RYR2: variants seen among roughly 807,000 people sequenced by gnomAD.
The protein encoded by RYR2 is ryanodine receptor 2.
Under a neutral mutation model 601.1 loss-of-function variants are expected in RYR2, and 227 were observed. That is an observed-to-expected ratio of 0.38 (90% CI 0.34 to 0.42). The LOEUF is 0.42. RYR2 is among the 10% of genes least tolerant of loss of function. The pLI, the probability that RYR2 is intolerant of heterozygous loss-of-function variation, is 1.00. For missense variants in RYR2, 4,646 were observed against 6,156.5 expected (o/e 0.75, Z 8.21); for synonymous variants, 2,223 against 2,175.1 (o/e 1.02, Z -0.61).
intron 92 of RYR2, 125 bp from the exon 93 acceptor site, chr1:237,791,304 G>C: frequency 1.6e-6 from 1 of 639,532 alleles, no homozygotes; most frequent in Admixed American, 2.4e-5. Context: ...CACCAAGAAT[G>C]GTGCTTGAAA....
chr1:237,778,811 CTG>C, intron 88 of RYR2, 41 bp downstream of exon 88: 1 of 966,046 alleles, frequency 1.0e-6, no homozygotes, highest in Non-Finnish European at 1.7e-6. Context: ...AAATGACAAA[CTG>C]GAGACTGTAA....
At chr1:237,403,818 A>C (rs997001408) in intron 10 of RYR2, among the ~76,000 whole-genome samples, 2 of 152,244 alleles carry the variant, frequency 1.3e-5, no homozygotes, top group Admixed American at 1.3e-4. Flanking sequence ...GTAGAAGAAA[A>C]CTATCTCATA....
chr1:237,337,366 C>G (rs924595439), intron 3 of RYR2, among the ~76,000 whole-genome samples: 3 of 151,744 alleles, frequency 2.0e-5, no homozygotes, highest in Non-Finnish European at 2.9e-5. Context: ...TTTAAAAGTA[C>G]ATTTATCAAA....
At chr1:237,150,563 A>G (rs1384143823) in intron 1 of RYR2, among the ~76,000 whole-genome samples, 1 of 152,188 alleles carries the variant, frequency 6.6e-6, no homozygotes, top group African/African-American at 2.4e-5. Context: ...AACAATGACA[A>G]CAACAACAAC....
Position 237,045,764 on chromosome 1 carries a change from G to C in RYR2, c.48+3195G>C, listed in dbSNP as rs115734908. Among the ~76,000 whole-genome samples the C allele has an allele frequency of 4.3e-3, 551 of 127,788 alleles. 6 individuals carry two copies. Among genetic ancestry groups the C allele is most frequent in the African/African-American group, 0.015 (522 of 35,130 alleles). 83.8% of individuals were successfully genotyped at this position (127,788 alleles called of 152,430 possible). On this transcript the variant is annotated intron_variant, in intron 1 of 104. Transcript: ENST00000366574. ...GCATTTAAAAACACGCATCTTTTTCGTTATGGTCCTCTTTTTTTTTTTTTT... is the reference window on the plus strand; with the variant it reads ...GCATTTAAAAACACGCATCTTTTTCCTTATGGTCCTCTTTTTTTTTTTTTT...
Position 237,669,654 on chromosome 1 carries a change from C to T in RYR2, c.8590+1696C>T, listed in dbSNP as rs566873276. Among the ~76,000 whole-genome samples, 522 of 148,778 alleles carry T rather than the reference C, an allele frequency of 3.5e-3. 8 individuals are homozygous for T. The East Asian group carries it at 0.049, about 14-fold the overall frequency. On this transcript the variant is annotated intron_variant, in intron 58 of 104. Coordinates refer to ENST00000366574, the MANE Select transcript of RYR2 (RefSeq NM_001035.3). ...GACGCTCCTCACATCCCAGACGGGG[C>T]GGCAGGGCAGAGGCGGTCCCCACAT...
rs1279151452 is a variant in RYR2, at chr1:237,635,009, C to A, written c.6792+17C>A. 3.4e-5 allele frequency: 51 copies of A among 1,490,710 alleles called. No individual in the cohort carries two copies. The highest frequency in any genetic ancestry group is 4.5e-5 in the Non-Finnish European group (49 of 1,100,566). The allele number at this position is 1,490,710 out of a possible 1,614,324, so 92.3% of individuals were successfully genotyped here. A position where few individuals can be genotyped will look rare whatever the true frequency, so the allele number is the denominator to read the frequency against. ...CTAGAAAAGGTGAGCAATGTTCCTG[C>A]CCTGTGTGTTTGTCTGAATTATGCT... On this transcript the variant is annotated intron_variant, in intron 44 of 104. Transcript: ENST00000366574.
intron 17 of RYR2, among the ~76,000 whole-genome samples, chr1:237,479,414 G>A (rs971929252): frequency 1.3e-5 from 2 of 152,030 alleles, no homozygotes; most frequent in South Asian, 2.1e-4. Flanking sequence ...TTTTCTTTGC[G>A]ATCACTGGGA....
intron 1 of RYR2, among the ~76,000 whole-genome samples, chr1:237,095,387 A>G (rs1292671280): frequency 6.6e-6 from 1 of 152,204 alleles, no homozygotes; most frequent in East Asian, 1.9e-4. Context: ...GACATAGACA[A>G]TCTGGAAGTT....
At chr1:237,403,798 G>A (rs1703608846) in intron 10 of RYR2, among the ~76,000 whole-genome samples, 1 of 152,088 alleles carries the variant, frequency 6.6e-6, no homozygotes, top group Admixed American at 6.6e-5. Flanking sequence ...ACCAAAAAGA[G>A]TTTCTTTGAG....
At chr1:237,110,015 C>A (rs1293100861) in intron 1 of RYR2, among the ~76,000 whole-genome samples, 1 of 152,064 alleles carries the variant, frequency 6.6e-6, no homozygotes, top group Non-Finnish European at 1.5e-5. Flanking sequence ...AATTCTAATC[C>A]CCCGGCCCCA....
chr1:237,607,873 T>C (rs1268088446), intron 35 of RYR2, among the ~76,000 whole-genome samples: 1 of 152,202 alleles, frequency 6.6e-6, no homozygotes. Context: ...GCTCAGTTTC[T>C]GCATCTATAA....
intron 1 of RYR2, among the ~76,000 whole-genome samples, chr1:237,053,634 A>G (rs918195712): frequency 2.0e-5 from 3 of 152,228 alleles, no homozygotes; most frequent in African/African-American, 7.2e-5. Flanking sequence ...ATGTTCGTGG[A>G]CTGCCTGCTA....
At chr1:237,308,596 G>A (rs1377933105) in intron 2 of RYR2, among the ~76,000 whole-genome samples, 1 of 152,156 alleles carries the variant, frequency 6.6e-6, no homozygotes, top group Non-Finnish European at 1.5e-5. Context: ...TGTTCTTTCT[G>A]ATGCTCAGAT....
At chr1:237,178,431 TGTGTGTGTG>T (rs2148939010) in intron 1 of RYR2, among the ~76,000 whole-genome samples, 1 of 139,242 alleles carries the variant, frequency 7.2e-6, no homozygotes, top group African/African-American at 3.1e-5. Context: ...TGTGTGTGTG[TGTGTGTGTG>T]TGTGTGTGTG....
At chr1:237,075,027 C>A (rs1224762407) in intron 1 of RYR2, among the ~76,000 whole-genome samples, 1 of 152,012 alleles carries the variant, frequency 6.6e-6, no homozygotes, top group Non-Finnish European at 1.5e-5. Flanking sequence ...TGGGAGTCAC[C>A]CCATGTTTAG....
chr1:237,562,239 G>A (rs1196590785), intron 27 of RYR2, among the ~76,000 whole-genome samples: 2 of 152,220 alleles, frequency 1.3e-5, no homozygotes, highest in South Asian at 2.1e-4. Context: ...ATCAAGATTT[G>A]AATTGTTTTA....
chr1:237,326,719 C>A (rs1226202656), intron 2 of RYR2, among the ~76,000 whole-genome samples: 1 of 152,086 alleles, frequency 6.6e-6, no homozygotes, highest in Admixed American at 6.5e-5. Flanking sequence ...AAGACTTAAG[C>A]AAAAACAAAG....
chr1:237,608,875 C>A (rs562034885), intron 35 of RYR2, among the ~76,000 whole-genome samples: 1 of 144,356 alleles, frequency 6.9e-6, no homozygotes, highest in Non-Finnish European at 1.5e-5. Context: ...TATATTCAGT[C>A]ATCTATTGAC....
Sources: gnomAD v4.1 joint callset for allele counts (sites outside exome capture counted in the v4.1 genomes callset) on GRCh38, gnomAD v4.1.1 for gene constraint, MANE v1.5 for transcripts, NCBI Gene and HGNC (gene_info 2026-07-23, HGNC 2026-07-21) for gene names.